PPP1R36: variants seen among roughly 807,000 people sequenced by gnomAD.
PPP1R36 encodes chromosome 14 open reading frame 50.
PPP1R36 carries 47 observed loss-of-function variants against 53.4 expected under a neutral mutation model. The observed-to-expected ratio is 0.88, with a 90% CI of 0.70 to 1.12. The LOEUF (loss-of-function observed/expected upper bound fraction) is 1.12, where lower values mean the gene tolerates loss of function less well. PPP1R36 is among the 50% of genes most tolerant of loss of function. PPP1R36 has a pLI of 0.00. For missense variants in PPP1R36, 456 were observed against 513.9 expected, an observed-to-expected ratio of 0.89 and a Z score of 1.09; for synonymous variants, 153 against 170.5, an observed-to-expected ratio of 0.90 and a Z score of 0.80.
At chr14:64,561,623 G>A (rs766426245) in intron 3 of PPP1R36, among the ~76,000 whole-genome samples, 8 of 152,180 alleles carry the variant, frequency 5.3e-5, no homozygotes, top group South Asian at 4.1e-4. Flanking sequence ...ATAATGCCTC[G>A]TGAGAAGTAA....
chr14:64,575,752 G>A (rs181749826), intron 8 of PPP1R36, among the ~76,000 whole-genome samples: 6 of 151,850 alleles, frequency 4.0e-5, no homozygotes, highest in East Asian at 3.9e-4. Flanking sequence ...CTGGGTTCAC[G>A]CCATTCTCCT....
At chr14:64,553,860 G>C (rs1406329967) in intron 3 of PPP1R36, among the ~76,000 whole-genome samples, 2 of 150,822 alleles carry the variant, frequency 1.3e-5, no homozygotes, top group Non-Finnish European at 3.0e-5. Context: ...CCAAACCCCG[G>C]ACTACGTGGA....
At position 64,549,981 on chromosome 14, in the gene PPP1R36, G is replaced by A. The variant is rs771420836; in HGVS notation, c.-17G>A. On this transcript the variant is annotated 5_prime_UTR_variant, in exon 1 of 12. Coordinates refer to ENST00000298705, the MANE Select transcript of PPP1R36 (RefSeq NM_172365.3). ...GCGGTATCCTCGGCGACGCCGTATG[G>A]CTTCCAGGGCGAGGCCATGTACCGG... 1.9e-6 allele frequency: 3 copies of A among 1,558,616 alleles called. No individual in the cohort carries two copies. The highest frequency in any genetic ancestry group is 2.6e-6 in the Non-Finnish European group (3 of 1,151,034).
chr14:64,565,530 C>T (rs1358654403), intron 5 of PPP1R36, 76 bp downstream of exon 5: 3 of 1,419,516 alleles, frequency 2.1e-6, no homozygotes, highest in East Asian at 2.3e-5. Flanking sequence ...TAAACATCCG[C>T]CCATCTACAT....
chr14:64,560,525 T>G (rs1389060768), intron 3 of PPP1R36, among the ~76,000 whole-genome samples: 7 of 151,452 alleles, frequency 4.6e-5, no homozygotes, highest in Non-Finnish European at 5.9e-5. Flanking sequence ...AGGAGATCAG[T>G]TAAGAAGCAG....
At chr14:64,586,734 T>TG in intron 8 of PPP1R36, 103 bp from the exon 9 acceptor site, 1 of 732,252 alleles carries the variant, frequency 1.4e-6, no homozygotes, top group Non-Finnish European at 2.3e-6. Context: ...AAAATAATCT[T>TG]GGGGCCAAGA....
At position 64,589,302 on chromosome 14, in the gene PPP1R36, G is replaced by A; in HGVS notation, c.1233G>A (p.Met411Ile). 1.9e-6 allele frequency: 3 copies of A among 1,613,800 alleles called. No homozygotes were observed. The South Asian group carries it at 3.3e-5, about 18-fold the overall frequency. The change falls in exon 12 of 12, where the codon ATG becomes ATA. Residue 411 changes from methionine (M) to isoleucine (I), a missense_variant. Physicochemically the swap from Met to Ile is conservative, Grantham distance 10. Coordinates refer to ENST00000298705, the MANE Select transcript of PPP1R36 (RefSeq NM_172365.3). ...MRIQDTLDLV[M>I]KTLSSHTSCP... Reference sequence around the variant, plus strand: ...TTCAGGATACACTGGACTTGGTCATGAAAACACTGTCCTCTCATACATCAT... The same window carrying A: ...TTCAGGATACACTGGACTTGGTCATAAAAACACTGTCCTCTCATACATCAT...
chr14:64,585,514 C>A (rs111998251), intron 8 of PPP1R36, among the ~76,000 whole-genome samples: 824 of 66,854 alleles, frequency 0.012, 5 homozygotes, highest in African/African-American at 0.051. Context: ...GAGACCCTGT[C>A]TCAAAAAAAA....
intron 6 of PPP1R36, 147 bp downstream of exon 6, chr14:64,565,839 A>C: frequency 1.5e-6 from 1 of 652,304 alleles, no homozygotes; most frequent in Admixed American, 2.7e-5. Flanking sequence ...AGTCACAAAG[A>C]CTGCGACCAA....
chr14:64,589,361 G>A lies in PPP1R36; in HGVS notation c.*23G>A, dbSNP rs146195562. ...TAACCTGGTACATTCCATATCTCAA[G>A]TAAACTACTTTGACTTTATAGAAGA... On this transcript the variant is annotated 3_prime_UTR_variant, in exon 12 of 12. Coordinates refer to ENST00000298705, the MANE Select transcript of PPP1R36 (RefSeq NM_172365.3). The A allele has an allele frequency of 1.1e-4, 164 of 1,521,396 alleles. No homozygotes were observed. In the African/African-American group the frequency reaches 1.6e-3, roughly 15 times the overall value. The allele number at this position is 1,521,396 out of a possible 1,614,324, so 94.2% of individuals were successfully genotyped here.
intron 3 of PPP1R36, among the ~76,000 whole-genome samples, chr14:64,556,622 T>A (rs1313843816): frequency 5.2e-5 from 7 of 134,342 alleles, no homozygotes; most frequent in Non-Finnish European, 8.2e-5. Context: ...TTTTTTTTTT[T>A]AATTAGCTGG....
At position 64,553,823 on chromosome 14, in the gene PPP1R36, T is replaced by TAA. The variant is rs11441855; in HGVS notation, c.182+979_182+980dup. On this transcript the variant is annotated intron_variant, in intron 3 of 11. Coordinates refer to ENST00000298705, the MANE Select transcript of PPP1R36 (RefSeq NM_172365.3). ...CACCTTACTACGTGTAAGTTATAAC[T>TAA]AAAAAAAAAAAAAAAAAACAACAAC... Among the ~76,000 whole-genome samples the TAA allele has an allele frequency of 9.5e-3, 782 of 82,550 alleles. 12 individuals are homozygous for TAA. The highest frequency in any genetic ancestry group is 0.019 in the Admixed American group (147 of 7,848). 54.2% of individuals were successfully genotyped at this position (82,550 alleles called of 152,430 possible).
chr14:64,565,514 C>G, intron 5 of PPP1R36, 60 bp downstream of exon 5: 1 of 1,395,462 alleles, frequency 7.2e-7, no homozygotes, highest in Non-Finnish European at 1.0e-6. Context: ...TACACATATC[C>G]ATACATAAAC....
At chr14:64,580,963 C>T (rs985355546) in intron 8 of PPP1R36, among the ~76,000 whole-genome samples, 4 of 152,046 alleles carry the variant, frequency 2.6e-5, no homozygotes, top group Non-Finnish European at 5.9e-5. Context: ...ACATCCACAC[C>T]GTGGTTTGTA....
intron 3 of PPP1R36, among the ~76,000 whole-genome samples, chr14:64,562,544 A>G (rs2080213316): frequency 6.6e-6 from 1 of 152,202 alleles, no homozygotes; most frequent in Non-Finnish European, 1.5e-5. Flanking sequence ...GCTATGGCAG[A>G]GCACTCACTC....
chr14:64,574,733 C>T (rs1596740042), intron 8 of PPP1R36, 144 bp downstream of exon 8: 1 of 813,610 alleles, frequency 1.2e-6, no homozygotes, highest in East Asian at 2.6e-5. Flanking sequence ...AGAATCTGTC[C>T]CAAACCCTTG....
chr14:64,571,329 G>T (rs1335413202), intron 7 of PPP1R36, among the ~76,000 whole-genome samples: 2 of 152,026 alleles, frequency 1.3e-5, no homozygotes, highest in Non-Finnish European at 2.9e-5. Flanking sequence ...GTTTCACCAT[G>T]TTGGCCAGGC....
At position 64,565,632 on chromosome 14, in the gene PPP1R36, C is replaced by G. The variant is rs1159895089; in HGVS notation, c.374C>G (p.Thr125Ser). Reference sequence around the variant, plus strand: ...GTTCATTTTCTCTTTTCAGTTGTTACTTTGCTTTTGCTACAAGATACTGAG... The same window carrying G: ...GTTCATTTTCTCTTTTCAGTTGTTAGTTTGCTTTTGCTACAAGATACTGAG... ...TITLDDVKFV[T>S]LLLLQDTEMQ... Residue 125 changes from threonine to serine, a missense_variant, in exon 6 of 12, where the codon ACT becomes AGT. Coordinates refer to ENST00000298705, the MANE Select transcript of PPP1R36 (RefSeq NM_172365.3). 1 of 1,613,482 alleles carries G rather than the reference C, an allele frequency of 6.2e-7. No individual in the cohort carries two copies. Among genetic ancestry groups the G allele is most frequent in the East Asian group, 2.2e-5 (1 of 44,870 alleles).
chr14:64,555,587 C>CCAG (rs1206829290), intron 3 of PPP1R36, among the ~76,000 whole-genome samples: 5 of 152,226 alleles, frequency 3.3e-5, no homozygotes, highest in African/African-American at 1.2e-4. Flanking sequence ...CAGTGAGTAC[C>CCAG]TGTAGTCCCA....
Sources: gnomAD v4.1 joint callset for allele counts (sites outside exome capture counted in the v4.1 genomes callset) on GRCh38, gnomAD v4.1.1 for gene constraint, MANE v1.5 for transcripts, NCBI Gene and HGNC (gene_info 2026-07-23, HGNC 2026-07-21) for gene names.